Variants in KCTD16 observed in about 807,000 individuals in gnomAD.
The protein encoded by KCTD16 is potassium channel tetramerization domain containing 16, also known as BTB/POZ domain-containing protein KCTD16.
KCTD16 carries 13 observed loss-of-function variants against 33.2 expected under a neutral mutation model. That is an observed-to-expected ratio of 0.39 (90% CI 0.25 to 0.62). The LOEUF (loss-of-function observed/expected upper bound fraction) is 0.62, where lower values mean the gene tolerates loss of function less well. Among genes scored for constraint, KCTD16 ranks in the 20% least tolerant of loss-of-function variants. KCTD16 has a pLI of 0.50. For synonymous variants in KCTD16, 197 were observed against 195.3 expected, an observed-to-expected ratio of 1.01 and a Z score of -0.07; for missense variants, 441 against 525.1, an observed-to-expected ratio of 0.84 and a Z score of 1.57.
At chr5:144,415,532 G>A (rs550099960) in intron 3 of KCTD16, among the ~76,000 whole-genome samples, 1 of 152,054 alleles carries the variant, frequency 6.6e-6, no homozygotes, top group South Asian at 2.1e-4. Context: ...TAAACAATTG[G>A]GACTCAATCT....
At chr5:144,409,022 A>G (rs992607685) in intron 3 of KCTD16, among the ~76,000 whole-genome samples, 15 of 152,172 alleles carry the variant, frequency 9.9e-5, no homozygotes, top group Admixed American at 8.5e-4. Context: ...CATGAGAATA[A>G]ATGCTTCATG....
At chr5:144,372,402 G>A (rs958814162) in intron 3 of KCTD16, among the ~76,000 whole-genome samples, 4 of 152,162 alleles carry the variant, frequency 2.6e-5, no homozygotes, top group South Asian at 2.1e-4. Context: ...GTCACTGTAC[G>A]AAGGAGGATG....
chr5:144,236,873 G>C (rs1754268592), intron 3 of KCTD16, among the ~76,000 whole-genome samples: 1 of 152,052 alleles, frequency 6.6e-6, no homozygotes, highest in African/African-American at 2.4e-5. Flanking sequence ...GCTTTGGGCT[G>C]GGTGATCTTG....
chr5:144,263,456 G>A (rs931340250), intron 3 of KCTD16, among the ~76,000 whole-genome samples: 5 of 152,048 alleles, frequency 3.3e-5, no homozygotes, highest in African/African-American at 1.2e-4. Flanking sequence ...TAGAATCGGA[G>A]CCTTTGAATA....
chr5:144,267,592 C>A (rs1200607388), intron 3 of KCTD16, among the ~76,000 whole-genome samples: 1 of 152,082 alleles, frequency 6.6e-6, no homozygotes, highest in African/African-American at 2.4e-5. Flanking sequence ...TTCTGATTTT[C>A]ATTCTGCTTT....
chr5:144,225,949 C>T (rs979528180), intron 3 of KCTD16, among the ~76,000 whole-genome samples: 1 of 152,188 alleles, frequency 6.6e-6, no homozygotes, highest in Non-Finnish European at 1.5e-5. Flanking sequence ...GAAAGAAAAA[C>T]TTATTCTTTA....
At chr5:144,393,115 T>G (rs538515954) in intron 3 of KCTD16, among the ~76,000 whole-genome samples, 2 of 152,352 alleles carry the variant, frequency 1.3e-5, no homozygotes, top group South Asian at 4.1e-4. Flanking sequence ...TTTATAGCCC[T>G]TTTTATAGCA....
intron 3 of KCTD16, among the ~76,000 whole-genome samples, chr5:144,435,597 T>C (rs1753557515): frequency 1.3e-5 from 2 of 152,250 alleles, no homozygotes; most frequent in Admixed American, 1.3e-4. Flanking sequence ...GCACATATAC[T>C]ATTCTATATT....
intron 2 of KCTD16, among the ~76,000 whole-genome samples, chr5:144,197,231 T>C (rs1308038590): frequency 6.6e-6 from 1 of 152,244 alleles, no homozygotes; most frequent in Admixed American, 6.5e-5. Flanking sequence ...ATAGTTCTGA[T>C]GTAAACTTTT....
intron 2 of KCTD16, among the ~76,000 whole-genome samples, chr5:144,181,563 G>T (rs185849097): frequency 1.1e-3 from 163 of 152,304 alleles, no homozygotes; most frequent in South Asian, 3.1e-3. Flanking sequence ...TTTGTTGTTG[G>T]TGGTGGTGTT....
chr5:144,234,070 C>T (rs1303748073), intron 3 of KCTD16, among the ~76,000 whole-genome samples: 1 of 152,142 alleles, frequency 6.6e-6, no homozygotes, highest in African/African-American at 2.4e-5. Flanking sequence ...TCTTCAATTA[C>T]TGTACTTTGG....
At chr5:144,173,143 G>A (rs1173666356) in intron 1 of KCTD16, among the ~76,000 whole-genome samples, 1 of 152,150 alleles carries the variant, frequency 6.6e-6, no homozygotes, top group East Asian at 1.9e-4. Context: ...ACACCCAAAA[G>A]GATATAAATC....
chr5:144,333,292 G>A (rs1428856), intron 3 of KCTD16, among the ~76,000 whole-genome samples: 34,902 of 151,986 alleles, frequency 0.23, 4,245 homozygotes, highest in Non-Finnish European at 0.28. Context: ...CTGAACAATT[G>A]AGCAGAAGGA....
At chr5:144,299,907 A>G (rs980173539) in intron 3 of KCTD16, among the ~76,000 whole-genome samples, 5 of 147,536 alleles carry the variant, frequency 3.4e-5, no homozygotes, top group Admixed American at 1.3e-4. Context: ...TTAAAAAAAA[A>G]AAAAAAAACA....
chr5:144,347,208 C>A (rs980163934), intron 3 of KCTD16, among the ~76,000 whole-genome samples: 1 of 152,126 alleles, frequency 6.6e-6, no homozygotes, highest in Admixed American at 6.6e-5. Context: ...AATTATTCGA[C>A]TTCAATACAT....
intron 3 of KCTD16, among the ~76,000 whole-genome samples, chr5:144,348,674 A>G (rs1752871603): frequency 6.6e-6 from 1 of 152,244 alleles, no homozygotes; most frequent in Non-Finnish European, 1.5e-5. Context: ...CTGAATAATT[A>G]AGAACATGCT....
At chr5:144,244,047 A>G (rs1446369368) in intron 3 of KCTD16, among the ~76,000 whole-genome samples, 1 of 152,052 alleles carries the variant, frequency 6.6e-6, no homozygotes, top group East Asian at 1.9e-4. Context: ...CCAGCCCCCC[A>G]TGAATACTTT....
chr5:144,189,710 A>T (rs1285491893), intron 2 of KCTD16, among the ~76,000 whole-genome samples: 1 of 152,122 alleles, frequency 6.6e-6, no homozygotes, highest in Non-Finnish European at 1.5e-5. Context: ...GTATCACAAT[A>T]CACATGCCCT....
At chr5:144,337,307 T>G (rs1463678702) in intron 3 of KCTD16, among the ~76,000 whole-genome samples, 1 of 152,154 alleles carries the variant, frequency 6.6e-6, no homozygotes, top group African/African-American at 2.4e-5. Context: ...ATAATTATCA[T>G]GTTGTTTTCT....
Sources: allele counts gnomAD v4.1 joint callset (sites outside exome capture counted in the v4.1 genomes callset), GRCh38; gene constraint gnomAD v4.1.1; transcripts MANE v1.5; gene names NCBI Gene and HGNC (gene_info 2026-07-23, HGNC 2026-07-21).